Variants in NKAIN3 observed in about 807,000 individuals in gnomAD.
NKAIN3 encodes the protein sodium/potassium transporting ATPase interacting 3, also known as sodium/potassium-transporting ATPase subunit beta-1-interacting protein 3.
Under a neutral mutation model 30.2 loss-of-function variants are expected in NKAIN3, and 25 were observed. The ratio of observed to expected loss-of-function variants is 0.83; its 90% CI spans 0.60 to 1.16. The LOEUF is 1.16. NKAIN3 is among the 50% of genes most tolerant of loss of function. NKAIN3 has a pLI of 0.00. For synonymous variants in NKAIN3, 91 were observed against 89.6 expected (o/e 1.02, Z -0.09); for missense variants, 225 against 254.1 (o/e 0.89, Z 0.78).
chr8:62,338,428 G>A (rs1242702699), intron 1 of NKAIN3, among the ~76,000 whole-genome samples: 1 of 151,958 alleles, frequency 6.6e-6, no homozygotes. Context: ...TGGAACTTAT[G>A]TTCTGCAAGG....
intron 4 of NKAIN3, among the ~76,000 whole-genome samples, chr8:62,818,881 A>T (rs914924331): frequency 6.6e-6 from 1 of 152,006 alleles, no homozygotes; most frequent in African/African-American, 2.4e-5. Context: ...CTGATTTCTT[A>T]CAAATGAATG....
intron 4 of NKAIN3, among the ~76,000 whole-genome samples, chr8:62,786,670 G>A (rs139513451): frequency 1.3e-5 from 2 of 152,156 alleles, no homozygotes; most frequent in Admixed American, 1.3e-4. Context: ...GAATGCATTC[G>A]GTTATCCTAT....
In NKAIN3 at chr8:62,268,405, C is replaced by G. The variant is rs16928619; in HGVS notation, c.54+19278C>G. On this transcript the variant is annotated intron_variant, in intron 1 of 6. Transcript: ENST00000623646. ...ATCAATCCCTGTAAAATGGTCATGG[C>G]TTAGTCCAGTGTGATCTATCCTCTG... Among the ~76,000 whole-genome samples the G allele has an allele frequency of 7.5e-3, 1,144 of 152,218 alleles. 19 individuals are homozygous for G. Among genetic ancestry groups the G allele is most frequent in the African/African-American group, 0.026 (1,079 of 41,538 alleles).
chr8:62,651,010 T>C (rs143571230), intron 3 of NKAIN3, among the ~76,000 whole-genome samples: 3,013 of 152,170 alleles, frequency 0.02, 38 homozygotes, highest in Middle Eastern at 0.058. Flanking sequence ...TGATCTTAAT[T>C]GAGCATTTCA....
rs146319291 is a variant in NKAIN3, at chr8:62,976,609, A to C, written c.*11202A>C. Among the ~76,000 whole-genome samples, 269 of 152,288 alleles carry C rather than the reference A, an allele frequency of 1.8e-3. 3 individuals carry two copies. Among genetic ancestry groups the C allele is most frequent in the African/African-American group, 5.9e-3 (246 of 41,566 alleles). ...ACATGAGATGGGTCTCGAATACAAC[A>C]CACCAATGGGTTTTGACTCTTTATC... On this transcript the variant is annotated 3_prime_UTR_variant, in exon 7 of 7. Transcript: ENST00000623646.
chr8:62,494,925 C>A (rs1807187189), intron 1 of NKAIN3, among the ~76,000 whole-genome samples: 1 of 151,912 alleles, frequency 6.6e-6, no homozygotes, highest in Non-Finnish European at 1.5e-5. Context: ...CTAGCTAGCA[C>A]CCTATCAATC....
At chr8:62,487,993 C>T (rs1238490449) in intron 1 of NKAIN3, among the ~76,000 whole-genome samples, 5 of 152,104 alleles carry the variant, frequency 3.3e-5, no homozygotes, top group Non-Finnish European at 7.4e-5. Context: ...GGTAACTGGG[C>T]CACCAGGCAG....
intron 3 of NKAIN3, among the ~76,000 whole-genome samples, chr8:62,593,039 A>C (rs1810707015): frequency 6.6e-6 from 1 of 152,142 alleles, no homozygotes; most frequent in African/African-American, 2.4e-5. Context: ...TTAGAGAAAA[A>C]GTAGACACAA....
chr8:62,440,534 T>C (rs1436485479), intron 1 of NKAIN3, among the ~76,000 whole-genome samples: 1 of 152,198 alleles, frequency 6.6e-6, no homozygotes, highest in Non-Finnish European at 1.5e-5. Context: ...ATTTCCTTCA[T>C]TGCCATTATA....
At chr8:62,957,376 C>T (rs557989318) in intron 6 of NKAIN3, among the ~76,000 whole-genome samples, 1 of 152,284 alleles carries the variant, frequency 6.6e-6, no homozygotes, top group Admixed American at 6.5e-5. Context: ...CCTTGTGATC[C>T]GCCCCCTTCG....
intron 4 of NKAIN3, among the ~76,000 whole-genome samples, chr8:62,846,840 G>A (rs576026313): frequency 6.6e-6 from 1 of 152,244 alleles, no homozygotes; most frequent in South Asian, 2.1e-4. Context: ...GGCTGGGGAG[G>A]CCTCACAATC....
chr8:62,563,232 G>A (rs998306905), intron 1 of NKAIN3, among the ~76,000 whole-genome samples: 45 of 152,142 alleles, frequency 3.0e-4, no homozygotes, highest in Admixed American at 2.5e-3. Flanking sequence ...TTGCATGGGA[G>A]TTAGAAGGAA....
chr8:62,535,334 C>G (rs1317588011), intron 1 of NKAIN3, among the ~76,000 whole-genome samples: 1 of 152,038 alleles, frequency 6.6e-6, no homozygotes, highest in Non-Finnish European at 1.5e-5. Flanking sequence ...GTGTTTTTCC[C>G]CACACACCAA....
intron 4 of NKAIN3, among the ~76,000 whole-genome samples, chr8:62,904,833 G>A (rs1563621030): frequency 6.6e-6 from 1 of 152,204 alleles, no homozygotes; most frequent in East Asian, 1.9e-4. Context: ...TCATAGTAGA[G>A]ACAAACATGT....
At chr8:62,697,812 G>A (rs952734533) in intron 3 of NKAIN3, among the ~76,000 whole-genome samples, 2 of 152,184 alleles carry the variant, frequency 1.3e-5, no homozygotes, top group Admixed American at 6.5e-5. Context: ...TGCAAAAGAT[G>A]TAATTTCTAT....
chr8:62,601,315 T>A (rs1336763831), intron 3 of NKAIN3, among the ~76,000 whole-genome samples: 1 of 152,008 alleles, frequency 6.6e-6, no homozygotes, highest in Non-Finnish European at 1.5e-5. Context: ...TAAAATGTGA[T>A]GTTTAAAGAG....
intron 1 of NKAIN3, among the ~76,000 whole-genome samples, chr8:62,409,028 G>T (rs922352008): frequency 2.0e-5 from 3 of 152,152 alleles, no homozygotes; most frequent in Non-Finnish European, 2.9e-5. Flanking sequence ...GCCATACAGA[G>T]AATCTTACAT....
At chr8:62,397,621 C>G (rs577532638) in intron 1 of NKAIN3, among the ~76,000 whole-genome samples, 18 of 152,250 alleles carry the variant, frequency 1.2e-4, no homozygotes, top group Non-Finnish European at 2.5e-4. Flanking sequence ...ATCACACTCC[C>G]TACTCCTCAG....
intron 1 of NKAIN3, among the ~76,000 whole-genome samples, chr8:62,345,466 C>CATATATAT (rs1211608136): frequency 5.9e-5 from 1 of 17,058 alleles, no homozygotes; most frequent in African/African-American, 1.4e-4. Flanking sequence ...TATATATACA[C>CATATATAT]ATATATACAC....
Sources: gnomAD v4.1 joint callset for allele counts (sites outside exome capture counted in the v4.1 genomes callset) on GRCh38, gnomAD v4.1.1 for gene constraint, MANE v1.5 for transcripts, NCBI Gene and HGNC (gene_info 2026-07-23, HGNC 2026-07-21) for gene names.